The following RAB37 variants were observed in gnomAD, a reference collection of about 807,000 sequenced individuals.
The protein encoded by RAB37 is RAB37, member RAS oncogene family.
In RAB37, 29 loss-of-function variants were observed where a neutral mutation model predicts 33.1. The ratio of observed to expected loss-of-function variants is 0.88; its 90% CI spans 0.65 to 1.20. The LOEUF (loss-of-function observed/expected upper bound fraction) is 1.20, where lower values mean the gene tolerates loss of function less well. Among genes scored for constraint, RAB37 ranks in the 50% most tolerant of loss-of-function variants. The pLI, the probability that RAB37 is intolerant of heterozygous loss-of-function variation, is 0.00. For synonymous variants in RAB37, 128 were observed against 119.5 expected (o/e 1.07, Z -0.47); for missense variants, 299 against 301.1 (o/e 0.99, Z 0.05).
intron 1 of RAB37, among the ~76,000 whole-genome samples, chr17:74,700,419 CA>C (rs1276490197): frequency 6.6e-6 from 1 of 152,068 alleles, no homozygotes; most frequent in East Asian, 1.9e-4. Flanking sequence ...CTGTGTGGCT[CA>C]CTTTCTCACC....
intron 1 of RAB37, among the ~76,000 whole-genome samples, chr17:74,713,563 G>A (rs995293654): frequency 2.6e-5 from 4 of 151,946 alleles, no homozygotes; most frequent in East Asian, 1.9e-4. Flanking sequence ...AGGGGCACGC[G>A]GCTCCACCAG....
At chr17:74,704,857 A>C in intron 1 of RAB37, 4 of 1,495,730 alleles carry the variant, frequency 2.7e-6, no homozygotes, top group Non-Finnish European at 3.7e-6. Flanking sequence ...TCCCACCCCA[A>C]GGGCAGGGCC....
intron 1 of RAB37, among the ~76,000 whole-genome samples, chr17:74,725,569 C>A (rs1471109939): frequency 4.6e-5 from 7 of 152,002 alleles, no homozygotes; most frequent in African/African-American, 2.4e-5. Flanking sequence ...TGTAAATAGA[C>A]CAGCGCTGAG....
intron 1 of RAB37, among the ~76,000 whole-genome samples, chr17:74,728,900 CTG>C (rs1443135771): frequency 5.9e-5 from 9 of 151,586 alleles, no homozygotes; most frequent in East Asian, 1.9e-4. Flanking sequence ...ATGTGTTTTT[CTG>C]TGTCTGTACG....
intron 1 of RAB37, among the ~76,000 whole-genome samples, chr17:74,721,650 C>A (rs2034242450): frequency 6.6e-6 from 1 of 152,064 alleles, no homozygotes; most frequent in Non-Finnish European, 1.5e-5. Context: ...TCAGGCTGGT[C>A]TCAAACTCCC....
At chr17:74,678,289 A>G (rs2031884344) in intron 1 of RAB37, among the ~76,000 whole-genome samples, 2 of 152,138 alleles carry the variant, frequency 1.3e-5, no homozygotes, top group Non-Finnish European at 2.9e-5. Flanking sequence ...GACAGCTCCA[A>G]GCAAACAGAT....
At position 74,722,474 on chromosome 17, in the gene RAB37, C is replaced by G. The variant is rs376410474; in HGVS notation, c.73-6782C>G. Among the ~76,000 whole-genome samples, 29 of 152,254 alleles carry G rather than the reference C, an allele frequency of 1.9e-4. No homozygotes were observed. In the East Asian group the frequency reaches 4.4e-3, roughly 23 times the overall value. On this transcript the variant is annotated intron_variant, in intron 1 of 7. Coordinates refer to the RAB37 transcript ENST00000340415. The stretch of plus-strand genomic sequence containing the variant: ...CCTCAGTTTTGCTCTTAAACTCTTT[C>G]AATTAATCAGAGGACACTCACCCAG...
upstream of RAB37, chr17:74,736,918 A>G: frequency 6.7e-7 from 1 of 1,496,248 alleles, no homozygotes; most frequent in Non-Finnish European, 8.9e-7. Flanking sequence ...GTGCGCAGCG[A>G]CTACGGGAAC....
At chr17:74,693,407 C>G (rs1325594296) in intron 1 of RAB37, among the ~76,000 whole-genome samples, 1 of 152,100 alleles carries the variant, frequency 6.6e-6, no homozygotes, top group Non-Finnish European at 1.5e-5. Context: ...GGGAGAGAAA[C>G]CATCAGAAGG....
At chr17:74,743,389 G>T in intron 5 of RAB37, 49 bp downstream of exon 5, 2 of 1,594,362 alleles carry the variant, frequency 1.3e-6, no homozygotes, top group African/African-American at 1.3e-5. Flanking sequence ...CCAAGGCAAG[G>T]TCTATGCAGG....
At chr17:74,704,011 G>A (rs528007790) in intron 1 of RAB37, among the ~76,000 whole-genome samples, 5 of 152,308 alleles carry the variant, frequency 3.3e-5, no homozygotes, top group South Asian at 2.1e-4. Flanking sequence ...CCAGCACCCC[G>A]ACTATGCTGA....
rs2034350482 is a variant in RAB37 at position 74,729,050 on chromosome 17, T to C, written c.73-206T>C. The stretch of plus-strand genomic sequence containing the variant: ...CTGTGTGTGCATATATGTTTGTGTG[T>C]GCATGGGTGTTCTGTGTATGTGTGT... On this transcript the variant is annotated intron_variant, in intron 1 of 7. Transcript: ENST00000340415. This position sits in a 1 kb window ranked among gnomAD's most constrained non-coding sequence, Gnocchi z 4.2. Among the ~76,000 whole-genome samples, 1 of 152,124 alleles carries C rather than the reference T, an allele frequency of 6.6e-6. No individual in the cohort carries two copies. The highest frequency in any genetic ancestry group is 6.5e-5 in the Admixed American group (1 of 15,270).
Position 74,681,161 on chromosome 17 carries a change from C to T in RAB37, c.72+9503C>T, listed in dbSNP as rs376351185. ...CCACATCTGACTGCAGCTCAGTGTG[C>T]CACGTGGACCTTGGTGCCCATGAAG... On this transcript the variant is annotated intron_variant, in intron 1 of 7. Transcript: ENST00000340415. Among the ~76,000 whole-genome samples, 6 of 152,332 alleles carry T rather than the reference C, an allele frequency of 3.9e-5. No individual in the cohort carries two copies. In the East Asian group the frequency reaches 1.2e-3, roughly 29 times the overall value.
intron 1 of RAB37, among the ~76,000 whole-genome samples, chr17:74,693,960 A>G (rs970776033): frequency 6.6e-6 from 1 of 152,132 alleles, no homozygotes; most frequent in South Asian, 2.1e-4. Flanking sequence ...GCATCTGTAA[A>G]TGAGCATGAT....
intron 1 of RAB37, among the ~76,000 whole-genome samples, chr17:74,708,852 C>G (rs1185260522): frequency 1.4e-5 from 2 of 147,470 alleles, no homozygotes; most frequent in African/African-American, 5.0e-5. Context: ...GGGGGCGGAG[C>G]TTGCAGTGAG....
intron 1 of RAB37, among the ~76,000 whole-genome samples, chr17:74,718,847 G>T (rs1212806592): frequency 2.6e-5 from 4 of 152,140 alleles, no homozygotes; most frequent in Non-Finnish European, 5.9e-5. Context: ...CTGTAGAAAA[G>T]CAATTTATTT....
intron 1 of RAB37, among the ~76,000 whole-genome samples, chr17:74,708,790 C>T (rs2033726665): frequency 6.6e-6 from 1 of 151,906 alleles, no homozygotes; most frequent in African/African-American, 2.4e-5. Context: ...GTGGCGGGCG[C>T]CTGTAGTCCC....
At chr17:74,722,284 A>G (rs74372670) in intron 1 of RAB37, among the ~76,000 whole-genome samples, 1 of 144,110 alleles carries the variant, frequency 6.9e-6, no homozygotes, top group Admixed American at 6.8e-5. Flanking sequence ...CTCTGTCTCA[A>G]AAAAAAAAAA....
In RAB37 at chr17:74,745,087, G is replaced by A. The variant is rs776299553; in HGVS notation, c.566+3G>A. On this transcript the variant is annotated splice_donor_region_variant and intron_variant, in intron 8 of 8. Transcript: ENST00000392613. The surrounding 1 kb of genome is among the most constrained non-coding windows in gnomAD (Gnocchi z 4.5). ...TTAGCCTTTCTGGCCATCGCCAAGT[G>A]AGAGCTGGGCAGGGAAGGGAAGTGT... 2.5e-6 allele frequency: 4 copies of A among 1,613,194 alleles called. No homozygotes were observed. The South Asian group carries it at 4.4e-5, about 18-fold the overall frequency.
Sources: allele counts gnomAD v4.1 joint callset (sites outside exome capture counted in the v4.1 genomes callset), GRCh38; gene constraint gnomAD v4.1.1; non-coding constraint Gnocchi (gnomAD v3.1); transcripts MANE v1.5; gene names NCBI Gene and HGNC (gene_info 2026-07-23, HGNC 2026-07-21).